Variants in UBN2 observed in about 807,000 individuals in gnomAD.
UBN2 encodes the protein ubinuclein 2.
UBN2 carries 35 observed loss-of-function variants against 120.2 expected under a neutral mutation model. The ratio of observed to expected loss-of-function variants is 0.29; its 90% confidence interval spans 0.22 to 0.39. UBN2 has a LOEUF of 0.39. UBN2 is among the 10% of genes least tolerant of loss of function. The probability of loss-of-function intolerance (pLI) is 1.00; values close to 1 mark genes in which losing one functional copy is unlikely to be tolerated. For synonymous variants in UBN2, 661 were observed against 648.7 expected (o/e 1.02, Z -0.29); for missense variants, 1,693 against 1,663.2 (o/e 1.02, Z -0.31).
rs903639052 is a variant in UBN2, at chr7:139,303,210, A to G, written c.*5374A>G. ...CCATTTGCTTTTTATTTGCTAGATAATTACATTTGGCTTAATCTGATTTTA... is the reference window on the plus strand; with the variant it reads ...CCATTTGCTTTTTATTTGCTAGATAGTTACATTTGGCTTAATCTGATTTTA... On this transcript the variant is annotated 3_prime_UTR_variant, in exon 18 of 18. Transcript: ENST00000473989. 4.6e-5 allele frequency: 7 copies of G among 152,234 alleles called. No individual in the cohort carries two copies. Among genetic ancestry groups the G allele is most frequent in the African/African-American group, 1.7e-4 (7 of 41,466 alleles). The allele number at this position is 152,234 out of a possible 1,614,324, so 9.4% of individuals were successfully genotyped here.
At position 139,297,844 on chromosome 7, in the gene UBN2, G is replaced by T; in HGVS notation, c.*8G>T. ...CCACGGAAATCTCAGTGACTGCCCA[G>T]CAAGCAAAGGAGACGAAATGTTTAG... On this transcript the variant is annotated 3_prime_UTR_variant, in exon 18 of 18. Transcript: ENST00000473989. 1 of 1,614,066 alleles carries T rather than the reference G, an allele frequency of 6.2e-7. No individual in the cohort carries two copies. The highest frequency in any genetic ancestry group is 8.5e-7 in the Non-Finnish European group (1 of 1,179,974).
chr7:139,309,545 A>T (rs985176764), downstream of UBN2, among the ~76,000 whole-genome samples: 5 of 152,012 alleles, frequency 3.3e-5, no homozygotes, highest in African/African-American at 9.6e-5. Flanking sequence ...TCATTGTTAA[A>T]TTTTTTTTTA....
In UBN2 at chr7:139,299,266, G is replaced by A. The variant is rs1312174824; in HGVS notation, c.*1430G>A. 6.6e-6 allele frequency: 1 copy of A among 151,900 alleles called. No individual in the cohort carries two copies. The highest frequency in any genetic ancestry group is 1.5e-5 in the Non-Finnish European group (1 of 67,962). The allele number at this position is 151,900 out of a possible 1,614,324, so 9.4% of individuals were successfully genotyped here. ...TCAGAGAATGGTGTAAACTCTAAAT[G>A]GTATAAGCTTCATCCATTTATAATG... On this transcript the variant is annotated 3_prime_UTR_variant, in exon 18 of 18. Transcript: ENST00000473989.
chr7:139,234,070 G>C (rs1796100553), intron 1 of UBN2, among the ~76,000 whole-genome samples: 1 of 151,940 alleles, frequency 6.6e-6, no homozygotes, highest in South Asian at 2.1e-4. Flanking sequence ...AGAAAGCATA[G>C]AAAACATATG....
rs1585016242 is a variant in UBN2, at chr7:139,276,148, G to A, written c.2024+1G>A. ...TTCATAATCATCTTACTTCTGCTCC[G>A]TGAGTAAATGCAGACTCCAGATTGC... On this transcript the variant is annotated splice_donor_variant, in intron 12 of 17. Coordinates refer to ENST00000473989, the MANE Select transcript of UBN2 (RefSeq NM_173569.4). LOFTEE classifies it high-confidence loss of function. The A allele has an allele frequency of 6.2e-7, 1 of 1,613,134 alleles. No homozygotes were observed. The highest frequency in any genetic ancestry group is 8.5e-7 in the Non-Finnish European group (1 of 1,179,642).
At chr7:139,325,919 G>A in the UBN2 span, among the ~76,000 whole-genome samples, 2 of 152,176 alleles carry the variant, frequency 1.3e-5, no homozygotes, top group East Asian at 1.9e-4. Flanking sequence ...TGCACCGGGC[G>A]GTGGCTCACG....
chr7:139,297,653 AG>A (rs1325146530), intron 17 of UBN2, 133 bp from the exon 18 acceptor site: 1 of 742,538 alleles, frequency 1.3e-6, no homozygotes, highest in African/African-American at 1.8e-5. Context: ...ATGGCATGCA[AG>A]ATATTAAAAG....
At chr7:139,287,820 A>C (rs1797835328) in intron 15 of UBN2, among the ~76,000 whole-genome samples, 1 of 151,868 alleles carries the variant, frequency 6.6e-6, no homozygotes, top group Non-Finnish European at 1.5e-5. Context: ...TGGCCTCTAG[A>C]ACCTGTCTAT....
intron 3 of UBN2, among the ~76,000 whole-genome samples, chr7:139,253,196 G>GT (rs1397741395): frequency 6.6e-6 from 1 of 152,070 alleles, no homozygotes; most frequent in African/African-American, 2.4e-5. Flanking sequence ...CATCTAAACT[G>GT]TTTCTGGTTT....
the UBN2 span, among the ~76,000 whole-genome samples, chr7:139,326,340 A>G: frequency 6.6e-6 from 1 of 152,214 alleles, no homozygotes; most frequent in Admixed American, 6.5e-5. Context: ...CACGTTGAAA[A>G]TGGCAGAACC....
intron 2 of UBN2, among the ~76,000 whole-genome samples, chr7:139,247,981 C>G (rs1796517837): frequency 6.6e-6 from 1 of 152,170 alleles, no homozygotes; most frequent in Non-Finnish European, 1.5e-5. Context: ...CTTCCCCTCT[C>G]TGTACTTAAC....
chr7:139,281,481 TCCTC>T (rs965841799), intron 13 of UBN2, among the ~76,000 whole-genome samples: 1 of 152,126 alleles, frequency 6.6e-6, no homozygotes, highest in African/African-American at 2.4e-5. Flanking sequence ...GAAACTCTGT[TCCTC>T]CCTCCCTCCC....
At chr7:139,268,342 C>T (rs565149610) in intron 7 of UBN2, among the ~76,000 whole-genome samples, 7 of 152,074 alleles carry the variant, frequency 4.6e-5, no homozygotes, top group South Asian at 2.1e-4. Context: ...CCTCTTTTTC[C>T]GCTTTCCTAA....
chr7:139,268,250 G>C (rs1797156815), intron 7 of UBN2, among the ~76,000 whole-genome samples: 1 of 152,116 alleles, frequency 6.6e-6, no homozygotes, highest in South Asian at 2.1e-4. Flanking sequence ...ATTTCACAGA[G>C]GGTATGCCTC....
chr7:139,264,674 C>T (rs769070264), intron 6 of UBN2, among the ~76,000 whole-genome samples: 14 of 152,112 alleles, frequency 9.2e-5, no homozygotes, highest in Non-Finnish European at 1.3e-4. Context: ...CTGCAACCTC[C>T]GCCTCCCGGG....
intron 2 of UBN2, among the ~76,000 whole-genome samples, chr7:139,250,730 A>G (rs1421936967): frequency 6.6e-6 from 1 of 152,102 alleles, no homozygotes; most frequent in Non-Finnish European, 1.5e-5. Flanking sequence ...CTTAACTCAG[A>G]TTTCACGTAC....
rs1798212197 is a variant in UBN2, at chr7:139,299,857, G to A, written c.*2021G>A. ...ATAAAAAGGTCTTTGCTTCATACTAGGGGAAGTGATGGGATTTTCCTTTGG... is the reference window on the plus strand; with the variant it reads ...ATAAAAAGGTCTTTGCTTCATACTAAGGGAAGTGATGGGATTTTCCTTTGG... On this transcript the variant is annotated 3_prime_UTR_variant, in exon 18 of 18. Coordinates refer to ENST00000473989, the MANE Select transcript of UBN2 (RefSeq NM_173569.4). The A allele has an allele frequency of 6.6e-6, 1 of 152,068 alleles. No individual in the cohort carries two copies. The highest frequency in any genetic ancestry group is 2.4e-5 in the African/African-American group (1 of 41,408). 9.4% of individuals were successfully genotyped at this position (152,068 alleles called of 1,614,324 possible). A position where few individuals can be genotyped will look rare whatever the true frequency, so the allele number is the denominator to read the frequency against.
intron 3 of UBN2, among the ~76,000 whole-genome samples, chr7:139,257,567 C>A (rs761872820): frequency 6.6e-6 from 1 of 151,878 alleles, no homozygotes; most frequent in Non-Finnish European, 1.5e-5. Context: ...CACCCCACCA[C>A]GCCCGGCTAA....
intron 13 of UBN2, among the ~76,000 whole-genome samples, chr7:139,279,669 C>T (rs769985102): frequency 7.9e-5 from 12 of 152,074 alleles, no homozygotes; most frequent in Admixed American, 2.0e-4. Flanking sequence ...TTCATAAGAC[C>T]AGAAACAAAA....
Sources: gnomAD v4.1 joint callset for allele counts (sites outside exome capture counted in the v4.1 genomes callset) on GRCh38, gnomAD v4.1.1 for gene constraint, MANE v1.5 for transcripts, NCBI Gene and HGNC (gene_info 2026-07-23, HGNC 2026-07-21) for gene names.